Variants in MTMR8 observed in about 807,000 individuals in gnomAD.
MTMR8 encodes the protein myotubularin related protein 8, also known as phosphatidylinositol-3,5-bisphosphate 3-phosphatase MTMR8.
In MTMR8, 65 loss-of-function variants were observed where a neutral mutation model predicts 39.3. The ratio of observed to expected loss-of-function variants is 1.65; its 90% CI spans 1.35 to 2.03. MTMR8 has a LOEUF of 2.03. MTMR8 is among the 30% of genes most tolerant of loss of function. The pLI is 0.00. For missense variants in MTMR8, 777 were observed against 538.9 expected (o/e 1.44, Z -4.37); for synonymous variants, 245 against 185.2 (o/e 1.32, Z -2.62).
chrX:64,345,775 G>C (rs754619562), intron 6 of MTMR8, among the ~76,000 whole-genome samples: 1 of 111,049 alleles, frequency 9.0e-6, no homozygotes, highest in Admixed American at 9.6e-5. Context: ...ACCATGCCTG[G>C]CTAATTTTTT....
chrX:64,335,443 T>A (rs987459061), intron 10 of MTMR8, among the ~76,000 whole-genome samples: 21 of 112,155 alleles, frequency 1.9e-4, no homozygotes, highest in Admixed American at 3.8e-4. Context: ...AATCTCAAAT[T>A]TTATTTGCCT....
At chrX:64,298,241 A>G (rs1250539987) in intron 12 of MTMR8, among the ~76,000 whole-genome samples, 2 of 103,860 alleles carry the variant, frequency 1.9e-5, no homozygotes, top group Admixed American at 1.1e-4. Flanking sequence ...ATTTGTTTGT[A>G]TCCTCTTTTA....
At chrX:64,276,052 G>T (rs953051197) in intron 12 of MTMR8, among the ~76,000 whole-genome samples, 4 of 111,935 alleles carry the variant, frequency 3.6e-5, no homozygotes, top group African/African-American at 1.3e-4. Context: ...TTTTTAAATT[G>T]TGTCTATTTG....
chrX:64,309,557 C>T (rs7059962), intron 12 of MTMR8, among the ~76,000 whole-genome samples: 26,593 of 111,077 alleles, frequency 0.24, 7,578 homozygotes, highest in African/African-American at 0.82. Context: ...TTTTATTTCT[C>T]CCTTTCCAAT....
intron 1 of MTMR8, among the ~76,000 whole-genome samples, chrX:64,368,961 A>G (rs903788879): frequency 6.2e-5 from 7 of 112,669 alleles, no homozygotes; most frequent in African/African-American, 2.3e-4. Flanking sequence ...ATATGAACAG[A>G]CACTTCTCAA....
intron 1 of MTMR8, among the ~76,000 whole-genome samples, chrX:64,369,523 C>A (rs1342795928): frequency 1.8e-5 from 2 of 110,952 alleles, no homozygotes; most frequent in East Asian, 5.7e-4. Flanking sequence ...GACAGAAAAC[C>A]AAACACTGCA....
chrX:64,285,538 C>A (rs1201231453), intron 12 of MTMR8, among the ~76,000 whole-genome samples: 1 of 111,714 alleles, frequency 9.0e-6, no homozygotes, highest in Non-Finnish European at 1.9e-5. Context: ...CAGCACCACA[C>A]CACACCTATT....
chrX:64,351,127 G>A (rs1923476436), intron 4 of MTMR8, among the ~76,000 whole-genome samples: 1 of 111,094 alleles, frequency 9.0e-6, no homozygotes, highest in African/African-American at 3.3e-5. Context: ...TCCCCATTCA[G>A]CTTAGAAGGT....
chrX:64,367,288 C>T (rs994321807), intron 1 of MTMR8, among the ~76,000 whole-genome samples: 6 of 111,555 alleles, frequency 5.4e-5, no homozygotes. Context: ...ATAACAAAGC[C>T]GGGCAGAGAC....
intron 12 of MTMR8, among the ~76,000 whole-genome samples, chrX:64,296,714 A>G (rs1221230829): frequency 9.3e-6 from 1 of 107,839 alleles, no homozygotes; most frequent in African/African-American, 3.4e-5. Flanking sequence ...ATATCTTCCA[A>G]TGCTATCCCT....
chrX:64,296,646 T>C (rs1313268003), intron 12 of MTMR8, among the ~76,000 whole-genome samples: 1 of 105,769 alleles, frequency 9.5e-6, no homozygotes, highest in South Asian at 4.5e-4. Flanking sequence ...TAGTTACATA[T>C]GTATACATGT....
intron 2 of MTMR8, among the ~76,000 whole-genome samples, chrX:64,356,828 G>GAA (rs202061532): frequency 3.8e-5 from 4 of 106,588 alleles, no homozygotes; most frequent in Non-Finnish European, 7.8e-5. Flanking sequence ...TTTCAGGAAT[G>GAA]AAAAAAAAAC....
intron 1 of MTMR8, among the ~76,000 whole-genome samples, chrX:64,387,799 G>A: frequency 9.2e-6 from 1 of 108,253 alleles, no homozygotes. Flanking sequence ...AGAGAGGAAA[G>A]GAGGGAGGAG....
At chrX:64,358,131 T>C (rs763238288) in intron 2 of MTMR8, among the ~76,000 whole-genome samples, 16 of 111,910 alleles carry the variant, frequency 1.4e-4, no homozygotes, top group Non-Finnish European at 2.4e-4. Flanking sequence ...ACTAAAGAAC[T>C]GGTTCCTAAA....
In MTMR8 at chrX:64,271,641, C is replaced by T. The variant is rs990733269; in HGVS notation, c.1482-568G>A. Among the ~76,000 whole-genome samples, 3 of 112,578 alleles carry T rather than the reference C, an allele frequency of 2.7e-5. No individual in the cohort carries two copies. The East Asian group carries it at 8.4e-4, about 31-fold the overall frequency. ...ATAGGATCAGGAGGAAACCCCCATTCCCAGCTTCTATCTCAGAATGGAAGA... is the reference window on the plus strand; with the variant it reads ...ATAGGATCAGGAGGAAACCCCCATTTCCAGCTTCTATCTCAGAATGGAAGA... On this transcript the variant is annotated intron_variant, in intron 12 of 13. Coordinates refer to ENST00000374852, the MANE Select transcript of MTMR8 (RefSeq NM_017677.4).
intron 1 of MTMR8, among the ~76,000 whole-genome samples, chrX:64,367,561 C>A (rs192733203): frequency 9.0e-6 from 1 of 111,645 alleles, no homozygotes; most frequent in Non-Finnish European, 1.9e-5. Context: ...ATTCAACAGC[C>A]CTTCATGCTA....
rs140567851 is a variant in MTMR8 at position 64,350,009 on chromosome X, A to G, written c.530T>C (p.Val177Ala). 667 of 1,193,718 alleles carry G rather than the reference A, an allele frequency of 5.6e-4. 2 individuals carry two copies. Among genetic ancestry groups the G allele is most frequent in the Non-Finnish European group, 1.2e-4 (102 of 886,024 alleles). ...TTTACTTCTGAACTTTGAACTTCCA[A>G]CCACCGTTCCCAAGGTAACAGATTT... The part of the protein sequence containing the change: ...VPKSVTLGTV[V>A]GSSKFRSKER... Residue 177 changes from valine to alanine, a missense_variant, in exon 5 of 14, where the codon GTT becomes GCT. Val to Ala is a moderately conservative substitution (Grantham distance 64, BLOSUM62 0). Coordinates refer to ENST00000374852, the MANE Select transcript of MTMR8 (RefSeq NM_017677.4).
intron 12 of MTMR8, chrX:64,305,528 A>G: frequency 2.6e-6 from 1 of 383,967 alleles, no homozygotes. Context: ...AAAGAGCATC[A>G]TAATTCACAA....
intron 12 of MTMR8, chrX:64,305,598 G>T: frequency 3.9e-6 from 2 of 516,524 alleles, no homozygotes; most frequent in Non-Finnish European, 7.2e-6. Flanking sequence ...AGGTGCAGCA[G>T]TCTGAACCAC....
Sources: gnomAD v4.1 joint callset for allele counts (sites outside exome capture counted in the v4.1 genomes callset) on GRCh38, gnomAD v4.1.1 for gene constraint, MANE v1.5 for transcripts, NCBI Gene and HGNC (gene_info 2026-07-23, HGNC 2026-07-21) for gene names.